Variants in CSGALNACT1 observed in about 807,000 individuals in gnomAD.
The protein encoded by CSGALNACT1 is beta4GalNAcT-1.
Under a neutral mutation model 51.0 loss-of-function variants are expected in CSGALNACT1, and 52 were observed. The ratio of observed to expected loss-of-function variants is 1.02; its 90% CI spans 0.82 to 1.29. The LOEUF is 1.29. Ranked by LOEUF, CSGALNACT1 falls within the 50% of genes most tolerant of loss-of-function variation. The pLI is 0.00. For missense variants in CSGALNACT1, 935 were observed against 679.2 expected, an observed-to-expected ratio of 1.38 and a Z score of -4.19; for synonymous variants, 341 against 254.4, an observed-to-expected ratio of 1.34 and a Z score of -3.24.
intron 1 of CSGALNACT1, among the ~76,000 whole-genome samples, chr8:19,636,351 A>G (rs1484475572): frequency 6.6e-6 from 1 of 151,742 alleles, no homozygotes; most frequent in Non-Finnish European, 1.5e-5. Flanking sequence ...AATATATATT[A>G]GGGTTTGGGA....
At chr8:19,468,724 A>G (rs1185349169) in intron 4 of CSGALNACT1, among the ~76,000 whole-genome samples, 1 of 152,154 alleles carries the variant, frequency 6.6e-6, no homozygotes, top group African/African-American at 2.4e-5. Context: ...TACAGGTGAG[A>G]CAGGGATTAT....
At chr8:19,743,315 G>A (rs1158568600) in intron 1 of CSGALNACT1, among the ~76,000 whole-genome samples, 1 of 152,132 alleles carries the variant, frequency 6.6e-6, no homozygotes, top group Non-Finnish European at 1.5e-5. Context: ...TTCCTAATGT[G>A]GTTCATGACA....
At chr8:19,518,857 T>C (rs1182833277) in intron 3 of CSGALNACT1, among the ~76,000 whole-genome samples, 1 of 152,192 alleles carries the variant, frequency 6.6e-6, no homozygotes, top group African/African-American at 2.4e-5. Context: ...CACCACACTC[T>C]GTGTTGGGAA....
chr8:19,601,714 T>C (rs79056121), intron 2 of CSGALNACT1, 57 bp downstream of exon 2: 41,676 of 411,886 alleles, frequency 0.1, 2,429 homozygotes, highest in Middle Eastern at 0.15. Context: ...ATCCAGAATA[T>C]TGAACACAAA....
intron 3 of CSGALNACT1, among the ~76,000 whole-genome samples, chr8:19,548,656 A>G (rs1451677856): frequency 2.0e-5 from 3 of 152,236 alleles, no homozygotes; most frequent in Admixed American, 6.5e-5. Flanking sequence ...TATCAAGCAC[A>G]TGATTTTAAA....
At chr8:19,522,639 G>A (rs1027143721) in intron 3 of CSGALNACT1, among the ~76,000 whole-genome samples, 1 of 152,160 alleles carries the variant, frequency 6.6e-6, no homozygotes. Flanking sequence ...TTCTGCACCA[G>A]CAACTTACCA....
chr8:19,533,234 A>T (rs575308275), intron 3 of CSGALNACT1, among the ~76,000 whole-genome samples: 1 of 152,190 alleles, frequency 6.6e-6, no homozygotes, highest in East Asian at 1.9e-4. Flanking sequence ...CTCTCACTTC[A>T]GCCTCTTGAG....
At chr8:19,713,181 A>G (rs1285527879) in intron 1 of CSGALNACT1, among the ~76,000 whole-genome samples, 4 of 152,168 alleles carry the variant, frequency 2.6e-5, no homozygotes, top group Non-Finnish European at 5.9e-5. Flanking sequence ...TGAAGGGTGC[A>G]CAGAGCAGCT....
intron 3 of CSGALNACT1, among the ~76,000 whole-genome samples, chr8:19,581,622 A>T (rs991801339): frequency 7.4e-4 from 113 of 152,276 alleles, no homozygotes; most frequent in African/African-American, 2.6e-3. Flanking sequence ...AAACAAAACA[A>T]AACAAAAAAA....
intron 1 of CSGALNACT1, among the ~76,000 whole-genome samples, chr8:19,680,023 C>T (rs540768215): frequency 2.6e-5 from 4 of 152,190 alleles, no homozygotes; most frequent in African/African-American, 4.8e-5. Flanking sequence ...CCACGACAAA[C>T]TTTAGTTCTG....
intron 1 of CSGALNACT1, among the ~76,000 whole-genome samples, chr8:19,700,853 T>TCC (rs2061826469): frequency 6.6e-6 from 1 of 152,186 alleles, no homozygotes; most frequent in Non-Finnish European, 1.5e-5. Flanking sequence ...ATCATATCCA[T>TCC]CCTTCCCTTT....
chr8:19,446,906 A>G (rs1586206653), intron 5 of CSGALNACT1, among the ~76,000 whole-genome samples: 1 of 152,190 alleles, frequency 6.6e-6, no homozygotes, highest in East Asian at 1.9e-4. Flanking sequence ...ATAAACCCAT[A>G]AACCAGTTCT....
chr8:19,663,581 G>A (rs1250873896), intron 1 of CSGALNACT1, among the ~76,000 whole-genome samples: 3 of 152,140 alleles, frequency 2.0e-5, no homozygotes, highest in Admixed American at 1.3e-4. Flanking sequence ...GACAGCCTGG[G>A]TACAGTGGTA....
At chr8:19,568,095 G>A (rs2042259170) in intron 3 of CSGALNACT1, among the ~76,000 whole-genome samples, 1 of 152,156 alleles carries the variant, frequency 6.6e-6, no homozygotes, top group African/African-American at 2.4e-5. Flanking sequence ...TTTTTGCAAT[G>A]TAGAGATATC....
chr8:19,715,521 G>A (rs1371918668), intron 1 of CSGALNACT1, among the ~76,000 whole-genome samples: 5 of 152,140 alleles, frequency 3.3e-5, no homozygotes, highest in Non-Finnish European at 7.3e-5. Flanking sequence ...TCTTTATCCA[G>A]TCTACTGTTG....
intron 1 of CSGALNACT1, among the ~76,000 whole-genome samples, chr8:19,624,772 G>A (rs61678332): frequency 0.17 from 26,226 of 151,586 alleles, 4,027 homozygotes; most frequent in African/African-American, 0.42. Flanking sequence ...TCCGCCTCCC[G>A]GGTTCAAGCG....
chr8:19,414,645 C>A (rs953587342), intron 8 of CSGALNACT1, among the ~76,000 whole-genome samples: 1 of 152,064 alleles, frequency 6.6e-6, no homozygotes, highest in Non-Finnish European at 1.5e-5. Context: ...TTGCTTTTGT[C>A]TGCAGGCAAA....
At chr8:19,426,504 C>T (rs4549789) in intron 6 of CSGALNACT1, among the ~76,000 whole-genome samples, 2 of 152,020 alleles carry the variant, frequency 1.3e-5, no homozygotes, top group Non-Finnish European at 2.9e-5. Context: ...GCATTTATTA[C>T]GGTAGGATGG....
At chr8:19,455,010 G>A (rs1284638450) in intron 5 of CSGALNACT1, among the ~76,000 whole-genome samples, 1 of 152,080 alleles carries the variant, frequency 6.6e-6, no homozygotes, top group Non-Finnish European at 1.5e-5. Context: ...ATGTTGCACT[G>A]ACTTATTCCC....
Sources: allele counts gnomAD v4.1 joint callset (sites outside exome capture counted in the v4.1 genomes callset), GRCh38; gene constraint gnomAD v4.1.1; transcripts MANE v1.5; gene names NCBI Gene and HGNC (gene_info 2026-07-23, HGNC 2026-07-21).